DMD: variants seen among roughly 807,000 people sequenced by gnomAD.
DMD encodes dystrophin.
A neutral mutation model predicts 330.1 loss-of-function variants in DMD; 63 were observed. The ratio of observed to expected loss-of-function variants is 0.19; its 90% CI spans 0.16 to 0.24. The LOEUF is 0.24. Ranked by LOEUF, DMD falls within the 10% of genes least tolerant of loss-of-function variation. DMD has a pLI of 1.00. For synonymous variants in DMD, 1,223 were observed against 959.8 expected (o/e 1.27, Z -5.07); for missense variants, 3,344 against 2,684.1 (o/e 1.25, Z -5.43).
chrX:32,940,362 A>G (rs1221648427), intron 2 of DMD, among the ~76,000 whole-genome samples: 1 of 112,059 alleles, frequency 8.9e-6, no homozygotes, highest in Non-Finnish European at 1.9e-5. Context: ...GTATATGCAC[A>G]TCAAAACATC....
At chrX:32,804,785 G>C in intron 7 of DMD, among the ~76,000 whole-genome samples, 1 of 112,355 alleles carries the variant, frequency 8.9e-6, no homozygotes, top group Non-Finnish European at 1.9e-5. Flanking sequence ...GGAACAGGCA[G>C]CAATCTTTGC....
intron 2 of DMD, among the ~76,000 whole-genome samples, chrX:32,994,436 T>G (rs995412569): frequency 3.3e-4 from 37 of 111,927 alleles, no homozygotes; most frequent in African/African-American, 3.2e-5. Flanking sequence ...GAACAAGTTA[T>G]TTAACTATTC....
At chrX:32,504,106 C>T (rs1453618850) in intron 18 of DMD, among the ~76,000 whole-genome samples, 2 of 111,662 alleles carry the variant, frequency 1.8e-5, no homozygotes, top group Non-Finnish European at 3.8e-5. Flanking sequence ...ACAAATGGTC[C>T]TGAACAACAC....
intron 44 of DMD, among the ~76,000 whole-genome samples, chrX:32,191,721 C>T (rs2096976934): frequency 8.9e-6 from 1 of 111,793 alleles, no homozygotes; most frequent in South Asian, 3.7e-4. Flanking sequence ...ACACATCCTC[C>T]TATATACTTT....
intron 67 of DMD, among the ~76,000 whole-genome samples, chrX:31,195,060 CAAG>C (rs906131797): frequency 8.9e-6 from 1 of 111,806 alleles, no homozygotes; most frequent in Non-Finnish European, 1.9e-5. Flanking sequence ...CTTTGTGAGA[CAAG>C]AAGAAGTAAA....
intron 44 of DMD, among the ~76,000 whole-genome samples, chrX:32,199,573 G>C (rs1350666463): frequency 1.4e-5 from 1 of 73,934 alleles, no homozygotes; most frequent in Non-Finnish European, 2.8e-5. Context: ...TGTGAAGGAG[G>C]AGGGGTGTGA....
chrX:31,152,669 G>A (rs987990446), intron 74 of DMD, among the ~76,000 whole-genome samples: 1 of 111,154 alleles, frequency 9.0e-6, no homozygotes, highest in African/African-American at 3.3e-5. Context: ...GAGTAGTTGG[G>A]ACTACAGGCA....
chrX:31,643,640 G>A (rs1031088924), intron 54 of DMD, among the ~76,000 whole-genome samples: 12 of 111,759 alleles, frequency 1.1e-4, no homozygotes, highest in African/African-American at 3.9e-4. Flanking sequence ...AGGTAAATAT[G>A]GAAAAGTAGT....
intron 29 of DMD, among the ~76,000 whole-genome samples, chrX:32,431,734 T>C (rs1328370306): frequency 8.9e-6 from 1 of 111,871 alleles, no homozygotes; most frequent in Non-Finnish European, 1.9e-5. Context: ...TTCAATAACA[T>C]TTATTTCTAT....
At chrX:32,353,208 A>C (rs975927910) in intron 37 of DMD, among the ~76,000 whole-genome samples, 1 of 111,427 alleles carries the variant, frequency 9.0e-6, no homozygotes, top group Non-Finnish European at 1.9e-5. Context: ...TGCTTTTCTT[A>C]AGAGTTCACT....
intron 5 of DMD, among the ~76,000 whole-genome samples, chrX:32,822,097 G>A (rs1329684576): frequency 9.0e-6 from 1 of 111,524 alleles, no homozygotes; most frequent in Non-Finnish European, 1.9e-5. Flanking sequence ...AGTAAAAACA[G>A]CAGTCATTTC....
intron 60 of DMD, among the ~76,000 whole-genome samples, chrX:31,392,701 C>T (rs960628996): frequency 1.3e-4 from 15 of 112,101 alleles, no homozygotes; most frequent in Admixed American, 7.6e-4. Flanking sequence ...GATGGCTGTA[C>T]GTAATAAAGC....
chrX:31,849,572 A>G (rs946828313), intron 48 of DMD, among the ~76,000 whole-genome samples: 3 of 110,891 alleles, frequency 2.7e-5, no homozygotes, highest in African/African-American at 9.8e-5. Flanking sequence ...GGGAATGGGA[A>G]GTAATGGAGT....
intron 22 of DMD, among the ~76,000 whole-genome samples, chrX:32,471,233 G>C (rs1300736667): frequency 9.0e-6 from 1 of 111,578 alleles, no homozygotes; most frequent in Non-Finnish European, 1.9e-5. Flanking sequence ...AGCCGAGATA[G>C]CACTGCTGCA....
chrX:32,074,681 C>T (rs1234409759), intron 44 of DMD, among the ~76,000 whole-genome samples: 2 of 107,178 alleles, frequency 1.9e-5, no homozygotes, highest in East Asian at 3.0e-4. Flanking sequence ...GCGACAAAGA[C>T]GACAAGCCTA....
chrX:31,883,798 A>G (rs2094111488), intron 47 of DMD, among the ~76,000 whole-genome samples: 2 of 111,567 alleles, frequency 1.8e-5, no homozygotes, highest in Non-Finnish European at 3.8e-5. Context: ...TTTTGTATGC[A>G]TATTTTACAT....
chrX:32,000,522 T>G (rs762574326), intron 44 of DMD, among the ~76,000 whole-genome samples: 11 of 111,827 alleles, frequency 9.8e-5, no homozygotes, highest in Non-Finnish European at 1.7e-4. Flanking sequence ...TTAACCTCCT[T>G]TGAATGAGCC....
chrX:31,676,603 C>G (rs977157807), intron 53 of DMD, among the ~76,000 whole-genome samples: 1 of 111,374 alleles, frequency 9.0e-6, no homozygotes, highest in Admixed American at 9.6e-5. Flanking sequence ...GTTTTAGCCA[C>G]GTAGACAATT....
At chrX:31,582,585 G>A (rs1317827269) in intron 55 of DMD, among the ~76,000 whole-genome samples, 2 of 111,936 alleles carry the variant, frequency 1.8e-5, no homozygotes, top group Non-Finnish European at 3.8e-5. Context: ...TCTAGGATAC[G>A]AATAGTAATA....
Sources: allele counts gnomAD v4.1 joint callset (sites outside exome capture counted in the v4.1 genomes callset), GRCh38; gene constraint gnomAD v4.1.1; transcripts MANE v1.5; gene names NCBI Gene and HGNC (gene_info 2026-07-23, HGNC 2026-07-21).